LRRC28: variants seen among roughly 807,000 people sequenced by gnomAD.
The protein encoded by LRRC28 is leucine-rich repeat-containing protein 28.
In LRRC28, 39 loss-of-function variants were observed where a neutral mutation model predicts 45.7. That is an observed-to-expected ratio of 0.85 (90% confidence interval 0.66 to 1.12). LRRC28 has a LOEUF of 1.12. LRRC28 is among the 50% of genes most tolerant of loss of function. LRRC28 has a pLI of 0.00. For synonymous variants in LRRC28, 206 were observed against 178.8 expected, an observed-to-expected ratio of 1.15 and a Z score of -1.22; for missense variants, 435 against 438.5, an observed-to-expected ratio of 0.99 and a Z score of 0.07.
rs767439581 is a variant in LRRC28 at position 99,287,797 on chromosome 15, T to C, written c.248-17T>C. On this transcript the variant is annotated splice_polypyrimidine_tract_variant and intron_variant, in intron 4 of 9. Coordinates refer to ENST00000301981, the MANE Select transcript of LRRC28 (RefSeq NM_144598.5). Reference sequence around the variant, plus strand: ...CTTGAGTCAAATTCATTTTGCCTTCTCCTTTTCTCTTTGAAGCCATTGGGT... The same window carrying C: ...CTTGAGTCAAATTCATTTTGCCTTCCCCTTTTCTCTTTGAAGCCATTGGGT... 5.6e-5 allele frequency: 89 copies of C among 1,586,824 alleles called. No homozygotes were observed. Among genetic ancestry groups the C allele is most frequent in the Non-Finnish European group, 7.4e-5 (86 of 1,166,626 alleles).
intron 6 of LRRC28, among the ~76,000 whole-genome samples, chr15:99,350,703 AGAT>A (rs1956850641): frequency 6.6e-6 from 1 of 152,372 alleles, no homozygotes; most frequent in South Asian, 2.1e-4. Flanking sequence ...AACTAAAGAA[AGAT>A]GAGGAGGAGG....
At chr15:99,288,653 T>C (rs1236911925) in intron 5 of LRRC28, among the ~76,000 whole-genome samples, 1 of 152,082 alleles carries the variant, frequency 6.6e-6, no homozygotes, top group East Asian at 1.9e-4. Flanking sequence ...GTTCTGGGAT[T>C]ACAGGCATGA....
chr15:99,383,954 C>G (rs891479361), intron 9 of LRRC28, among the ~76,000 whole-genome samples: 1 of 152,112 alleles, frequency 6.6e-6, no homozygotes, highest in African/African-American at 2.4e-5. Flanking sequence ...GTGAAGTACC[C>G]CTGTTGGCCT....
chr15:99,256,158 T>C (rs2081014568), intron 2 of LRRC28, 33 bp downstream of exon 2: 7 of 1,549,192 alleles, frequency 4.5e-6, no homozygotes, highest in Non-Finnish European at 5.2e-6. Flanking sequence ...TGAAAAATTA[T>C]TTATACATGT....
chr15:99,311,158 CT>C, intron 5 of LRRC28, among the ~76,000 whole-genome samples: 1 of 152,146 alleles, frequency 6.6e-6, no homozygotes, highest in Non-Finnish European at 1.5e-5. Flanking sequence ...CTGGGAGGGT[CT>C]TTTCTGTCTT....
intron 3 of LRRC28, among the ~76,000 whole-genome samples, chr15:99,284,210 A>G (rs1275169880): frequency 6.6e-6 from 1 of 152,234 alleles, no homozygotes; most frequent in Non-Finnish European, 1.5e-5. Context: ...CACTTGCTGC[A>G]GGATGGTTTT....
chr15:99,285,485 T>C, intron 3 of LRRC28: 1 of 974,606 alleles, frequency 1.0e-6, no homozygotes, highest in Non-Finnish European at 1.6e-6. Context: ...TCAGAGTGAC[T>C]CCTCAGGCTC....
At chr15:99,308,290 T>G (rs1955263206) in intron 5 of LRRC28, among the ~76,000 whole-genome samples, 1 of 152,124 alleles carries the variant, frequency 6.6e-6, no homozygotes, top group Non-Finnish European at 1.5e-5. Context: ...TCAGTAGTGT[T>G]TTTTCCAAGT....
At chr15:99,368,610 G>A (rs1957401845) in intron 9 of LRRC28, among the ~76,000 whole-genome samples, 1 of 152,086 alleles carries the variant, frequency 6.6e-6, no homozygotes, top group Non-Finnish European at 1.5e-5. Context: ...TTGCATCTAG[G>A]TAGTTCTTTT....
At chr15:99,330,390 GT>G (rs1276420526) in intron 5 of LRRC28, among the ~76,000 whole-genome samples, 1 of 151,956 alleles carries the variant, frequency 6.6e-6, no homozygotes, top group Non-Finnish European at 1.5e-5. Context: ...AGTTCTGTCA[GT>G]TTTTTGCTTT....
At chr15:99,267,505 T>C (rs1459061601) in intron 2 of LRRC28, among the ~76,000 whole-genome samples, 1 of 152,256 alleles carries the variant, frequency 6.6e-6, no homozygotes, top group East Asian at 1.9e-4. Context: ...GAACTGCTGC[T>C]AGGGTGCAGG....
chr15:99,348,329 T>C (rs913147439), intron 6 of LRRC28, among the ~76,000 whole-genome samples: 9 of 152,120 alleles, frequency 5.9e-5, no homozygotes, highest in African/African-American at 1.4e-4. Context: ...TGGTGTGATA[T>C]CGAAAAAATC....
intron 5 of LRRC28, among the ~76,000 whole-genome samples, chr15:99,319,293 A>G (rs1180574672): frequency 6.6e-6 from 1 of 152,164 alleles, no homozygotes; most frequent in African/African-American, 2.4e-5. Flanking sequence ...AAAATTGACC[A>G]TCGCTAAAAT....
chr15:99,344,691 A>G (rs1956624412), intron 6 of LRRC28, among the ~76,000 whole-genome samples: 1 of 152,240 alleles, frequency 6.6e-6, no homozygotes, highest in Admixed American at 6.5e-5. Flanking sequence ...TAACATAGGG[A>G]AAGAAGACTA....
rs1294523215 is a variant in LRRC28 at position 99,293,603 on chromosome 15, A to C, written c.385+5652A>C. Among the ~76,000 whole-genome samples the C allele has an allele frequency of 4.7e-4, 45 of 94,830 alleles. 1 individual carries two copies. Among genetic ancestry groups the C allele is most frequent in the Non-Finnish European group, 6.9e-4 (34 of 49,606 alleles). The allele number at this position is 94,830 out of a possible 152,430, so 62.2% of individuals were successfully genotyped here. A position where few individuals can be genotyped will look rare whatever the true frequency, so the allele number is the denominator to read the frequency against. On this transcript the variant is annotated intron_variant, in intron 5 of 9. Coordinates refer to ENST00000301981, the MANE Select transcript of LRRC28 (RefSeq NM_144598.5). ...AACGAAACTCTGTCACAAAAAAAAA[A>C]AAAAAAAAAAAAAAAAAAAAAAAAA...
In LRRC28 at chr15:99,348,464, A is replaced by G. The variant is rs548935192; in HGVS notation, c.593-3905A>G. Among the ~76,000 whole-genome samples, 45 of 152,224 alleles carry G rather than the reference A, an allele frequency of 3.0e-4. No individual in the cohort carries two copies. In the East Asian group the frequency reaches 8.5e-3, roughly 29 times the overall value. On this transcript the variant is annotated intron_variant, in intron 6 of 9. Transcript: ENST00000301981. The stretch of plus-strand genomic sequence containing the variant: ...TGGTTTTTGTGTATTGTGTCAGATA[A>G]GGGTCCAATTTTATTCTTTTGCATG...
chr15:99,269,935 G>A (rs1270861819), intron 2 of LRRC28, among the ~76,000 whole-genome samples: 1 of 152,172 alleles, frequency 6.6e-6, no homozygotes, highest in Non-Finnish European at 1.5e-5. Flanking sequence ...TGCTACTGGG[G>A]AAGAAGAAAG....
rs1224365966 is a variant in LRRC28, at chr15:99,390,407, C to T, written c.*4305C>T. The T allele has an allele frequency of 7.5e-6, 1 of 132,716 alleles. No individual in the cohort carries two copies. The highest frequency in any genetic ancestry group is 1.5e-5 in the Non-Finnish European group (1 of 64,986). 8.2% of individuals were successfully genotyped at this position (132,716 alleles called of 1,614,324 possible). A position where few individuals can be genotyped will look rare whatever the true frequency, so the allele number is the denominator to read the frequency against. On this transcript the variant is annotated 3_prime_UTR_variant, in exon 10 of 10. Coordinates refer to ENST00000301981, the MANE Select transcript of LRRC28 (RefSeq NM_144598.5). ...TTTCTGTATGTAATTAAGAGACTTT[C>T]AAGGGTTAGCCAGACTTTTTTCCAC... is the stretch of plus-strand genomic sequence containing the variant.
chr15:99,371,401 G>A (rs1270429115), intron 9 of LRRC28, among the ~76,000 whole-genome samples: 2 of 152,168 alleles, frequency 1.3e-5, no homozygotes, highest in African/African-American at 4.8e-5. Context: ...GTTGTGCCTT[G>A]AGGTAAAGAC....
Sources: allele counts gnomAD v4.1 joint callset (sites outside exome capture counted in the v4.1 genomes callset), GRCh38; gene constraint gnomAD v4.1.1; transcripts MANE v1.5; gene names NCBI Gene and HGNC (gene_info 2026-07-23, HGNC 2026-07-21).